The following PIK3C2B variants were observed in gnomAD, a reference collection of about 807,000 sequenced individuals.
PIK3C2B encodes phosphatidylinositol 4-phosphate 3-kinase C2 domain-containing subunit beta.
A neutral mutation model predicts 184.3 loss-of-function variants in PIK3C2B; 83 were observed. That is an observed-to-expected ratio of 0.45 (90% CI 0.38 to 0.54). The LOEUF (loss-of-function observed/expected upper bound fraction) is 0.54. Among genes scored for constraint, PIK3C2B ranks in the 20% least tolerant of loss-of-function variants. The probability of loss-of-function intolerance (pLI) is 0.00; values close to 1 mark genes in which losing one functional copy is unlikely to be tolerated. For synonymous variants in PIK3C2B, 779 were observed against 837.6 expected (o/e 0.93, Z 1.21); for missense variants, 1,736 against 2,113.5 (o/e 0.82, Z 3.50).
chr1:204,428,589 G>A (rs1402751071), intron 29 of PIK3C2B, among the ~76,000 whole-genome samples: 1 of 152,060 alleles, frequency 6.6e-6, no homozygotes, highest in African/African-American at 2.4e-5. Context: ...GCAGTGGGGC[G>A]ATCTCAGCTC....
rs913742530 is a variant in PIK3C2B at position 204,423,663 on chromosome 1, A to C, written c.*1189T>G. The stretch of plus-strand genomic sequence containing the variant: ...CATGCCCCTTTCCTTCAGATAGGGC[A>C]TCCCTTTGGCTCCAGACTAAATAGG... On this transcript the variant is annotated 3_prime_UTR_variant, in exon 33 of 33. Coordinates refer to ENST00000684373, the MANE Select transcript of PIK3C2B (RefSeq NM_001377334.1). 2 of 152,688 alleles carry C rather than the reference A, an allele frequency of 1.3e-5. No homozygotes were observed. Among genetic ancestry groups the C allele is most frequent in the Non-Finnish European group, 2.9e-5 (2 of 68,080 alleles). 9.5% of individuals were successfully genotyped at this position (152,688 alleles called of 1,614,324 possible). A position where few individuals can be genotyped will look rare whatever the true frequency, so the allele number is the denominator to read the frequency against.
In PIK3C2B at chr1:204,429,904, G is replaced by A. The variant is rs372103925; in HGVS notation, c.4398+17C>T. The A allele has an allele frequency of 2.0e-6, 3 of 1,523,308 alleles. No homozygotes were observed. Among genetic ancestry groups the A allele is most frequent in the Non-Finnish European group, 9.1e-7 (1 of 1,100,204 alleles). The allele number at this position is 1,523,308 out of a possible 1,614,324, so 94.4% of individuals were successfully genotyped here. A position where few individuals can be genotyped will look rare whatever the true frequency, so the allele number is the denominator to read the frequency against. ...CCACCAGCCTGGACAGCCAGGAGGA[G>A]AGGCAAGCCCACCCACCTCGGCCAC... On this transcript the variant is annotated intron_variant, in intron 29 of 32. Coordinates refer to ENST00000684373, the MANE Select transcript of PIK3C2B (RefSeq NM_001377334.1).
At chr1:204,435,687 G>A (rs1277606571) in intron 23 of PIK3C2B, 1 of 152,122 alleles carries the variant, frequency 6.6e-6, no homozygotes, top group African/African-American at 2.4e-5. Context: ...GTCCCATGGG[G>A]TTTACAGATC....
chr1:204,476,381 A>G (rs1415983963), intron 1 of PIK3C2B, among the ~76,000 whole-genome samples: 1 of 151,874 alleles, frequency 6.6e-6, no homozygotes, highest in Non-Finnish European at 1.5e-5. Flanking sequence ...GACCATCCCT[A>G]TGGGGGGAAA....
Position 204,464,058 on chromosome 1 carries a change from C to T in PIK3C2B, c.1264G>A (p.Gly422Ser). 2 of 1,614,196 alleles carry T rather than the reference C, an allele frequency of 1.2e-6. No individual in the cohort carries two copies. Among genetic ancestry groups the T allele is most frequent in the Non-Finnish European group, 1.7e-6 (2 of 1,180,042 alleles). Reference protein sequence around the residue: ...THDDLRNVDVGDFVLKPCGLE... With the variant: ...THDDLRNVDVSDFVLKPCGLE... ...CCGCAGGGCTTTAGCACAAAGTCAC[C>T]CACGTCCACATTCCTCAGGTCATCA... The change falls in exon 5 of 33, where the codon GGT becomes AGT. Residue 422 changes from glycine to serine, a missense_variant. Gly to Ser is a moderately conservative substitution (Grantham distance 56, BLOSUM62 0). This residue lies in a region of PIK3C2B where 609 missense variants were observed against 699.2 expected (regional missense o/e 0.87). Transcript: ENST00000684373.
rs754401350 is a variant in PIK3C2B, at chr1:204,447,443, A to G, written c.2482T>C (p.Leu828=). Residue 828 remains leucine, a synonymous_variant, in exon 15 of 33, where the codon TTG becomes CTG. Transcript: ENST00000684373. This position sits in a 1 kb window ranked among gnomAD's most constrained non-coding sequence, Gnocchi z 4.1. ...KLKDIMQKES[L]YWLTDADKKR... ...TGGGGGCCCGGGTCTCACCAGTACA[A>G]GGACTCTTTCTGCATGATGTCTTTA... 2 of 1,613,706 alleles carry G rather than the reference A, an allele frequency of 1.2e-6. No individual in the cohort carries two copies. The highest frequency in any genetic ancestry group is 3.3e-5 in the Admixed American group (2 of 59,992).
intron 4 of PIK3C2B, 34 bp from the exon 5 acceptor site, chr1:204,464,166 T>C (rs774077982): frequency 3.1e-6 from 5 of 1,611,178 alleles, no homozygotes; most frequent in South Asian, 2.2e-5. Flanking sequence ...GCAATCATGA[T>C]GGATGTCAAG....
chr1:204,494,341 G>A lies in PIK3C2B; in HGVS notation c.-85+15C>T, dbSNP rs1429997050. The A allele has an allele frequency of 6.6e-6, 1 of 152,454 alleles. No individual in the cohort carries two copies. Among genetic ancestry groups the A allele is most frequent in the Non-Finnish European group, 1.5e-5 (1 of 68,204 alleles). The allele number at this position is 152,454 out of a possible 1,614,324, so 9.4% of individuals were successfully genotyped here. A position where few individuals can be genotyped will look rare whatever the true frequency, so the allele number is the denominator to read the frequency against. On this transcript the variant is annotated intron_variant, in intron 1 of 32. Transcript: ENST00000684373. ...GACGCTGGGGCCGATGCAACCCGCA[G>A]GATGCGTGTCCTACCTGCGCTAGCT...
intron 8 of PIK3C2B, among the ~76,000 whole-genome samples, chr1:204,458,764 G>A (rs1053082749): frequency 6.6e-6 from 1 of 152,066 alleles, no homozygotes. Context: ...AAAGTGCTGG[G>A]ATTACAGGCG....
At chr1:204,471,998 C>T (rs972444676) in intron 1 of PIK3C2B, among the ~76,000 whole-genome samples, 1 of 152,036 alleles carries the variant, frequency 6.6e-6, no homozygotes, top group Non-Finnish European at 1.5e-5. Context: ...GGAAGCCACA[C>T]TGGATCTCCA....
In PIK3C2B at chr1:204,451,544, C is replaced by T. The variant is rs999484724; in HGVS notation, c.2067-1527G>A. 2.8e-4 allele frequency among the ~76,000 whole-genome samples: 43 copies of T among 152,194 alleles called. 1 individual carries two copies. The highest frequency in any genetic ancestry group is 9.2e-4 in the Admixed American group (14 of 15,284). ...GCCCATTCAACAACCTCATATCACACAGGCTGCCTCCTCCAGGAAGGATTC... is the reference window on the plus strand; with the variant it reads ...GCCCATTCAACAACCTCATATCACATAGGCTGCCTCCTCCAGGAAGGATTC... On this transcript the variant is annotated intron_variant, in intron 12 of 32. Coordinates refer to ENST00000684373, the MANE Select transcript of PIK3C2B (RefSeq NM_001377334.1).
At chr1:204,482,934 AC>A (rs949058918) in intron 1 of PIK3C2B, among the ~76,000 whole-genome samples, 17 of 152,136 alleles carry the variant, frequency 1.1e-4, no homozygotes, top group African/African-American at 3.9e-4. Flanking sequence ...CAGCCTGGTC[AC>A]CCCTAGACAT....
intron 15 of PIK3C2B, among the ~76,000 whole-genome samples, chr1:204,446,529 T>C (rs970084573): frequency 9.2e-5 from 14 of 152,206 alleles, no homozygotes; most frequent in Non-Finnish European, 4.4e-5. Context: ...CTCCTGCGGA[T>C]GCCCTGAGGG....
chr1:204,464,326 C>G (rs929571902), intron 4 of PIK3C2B, 124 bp downstream of exon 4: 13 of 1,160,002 alleles, frequency 1.1e-5, no homozygotes, highest in Non-Finnish European at 1.5e-5. Context: ...CCCCTCACCC[C>G]CAAAGGAGCA....
intron 23 of PIK3C2B, chr1:204,435,242 GA>G (rs1476356848): frequency 6.6e-6 from 1 of 152,170 alleles, no homozygotes; most frequent in Non-Finnish European, 1.5e-5. Context: ...ATATGTTAGA[GA>G]TATTTCTGAG....
intron 1 of PIK3C2B, among the ~76,000 whole-genome samples, chr1:204,475,050 C>CTCTCATTTGGGCTA (rs1258930615): frequency 6.6e-6 from 1 of 152,168 alleles, no homozygotes; most frequent in Non-Finnish European, 1.5e-5. Context: ...CCCTTATCTT[C>CTCTCATTTGGGCTA]TCTCATTTGG....
chr1:204,472,497 G>A (rs952580983), intron 1 of PIK3C2B, among the ~76,000 whole-genome samples: 4 of 147,584 alleles, frequency 2.7e-5, no homozygotes, highest in South Asian at 2.3e-4. Context: ...ACCGAAGCCC[G>A]GCCGGATACG....
chr1:204,489,424 A>T (rs1457507820), intron 1 of PIK3C2B, among the ~76,000 whole-genome samples: 1 of 151,810 alleles, frequency 6.6e-6, no homozygotes. Context: ...ATCCCATGTC[A>T]GTCTCCCAAG....
rs560031110 is a variant in PIK3C2B, at chr1:204,446,239, G to C, written c.2490-95C>G. 2.8e-5 allele frequency: 23 copies of C among 812,566 alleles called. No homozygotes were observed. In the Admixed American group the frequency reaches 5.9e-4, roughly 21 times the overall value. The allele number at this position is 812,566 out of a possible 1,614,324, so 50.3% of individuals were successfully genotyped here. A position where few individuals can be genotyped will look rare whatever the true frequency, so the allele number is the denominator to read the frequency against. On this transcript the variant is annotated intron_variant, in intron 15 of 32. Transcript: ENST00000684373. ...GGGGGTGCAGCCCTTACCCTCAAGGGAGTGCTGCACACACTGCAATTCAGC... is the reference window on the plus strand; with the variant it reads ...GGGGGTGCAGCCCTTACCCTCAAGGCAGTGCTGCACACACTGCAATTCAGC...
Sources: allele counts gnomAD v4.1 joint callset (sites outside exome capture counted in the v4.1 genomes callset), GRCh38; gene constraint gnomAD v4.1.1; regional missense constraint gnomAD v4.1.1; non-coding constraint Gnocchi (gnomAD v3.1); transcripts MANE v1.5; gene names NCBI Gene and HGNC (gene_info 2026-07-23, HGNC 2026-07-21).